The following FGGY variants were observed in gnomAD, a reference collection of about 807,000 sequenced individuals.
The protein encoded by FGGY is FGGY carbohydrate kinase domain-containing protein.
A neutral mutation model predicts 71.3 loss-of-function variants in FGGY; 72 were observed. The observed-to-expected ratio is 1.01, with a 90% CI of 0.84 to 1.23. The LOEUF (loss-of-function observed/expected upper bound fraction) is 1.23, where lower values mean the gene tolerates loss of function less well. Ranked by LOEUF, FGGY falls within the 50% of genes most tolerant of loss-of-function variation. FGGY has a pLI of 0.00. For synonymous variants in FGGY, 251 were observed against 250.3 expected (o/e 1.00, Z -0.02); for missense variants, 668 against 682.3 (o/e 0.98, Z 0.23).
At chr1:59,380,702 A>C (rs1175407691) in intron 5 of FGGY, among the ~76,000 whole-genome samples, 1 of 151,634 alleles carries the variant, frequency 6.6e-6, no homozygotes, top group Non-Finnish European at 1.5e-5. Context: ...GTCCTTTGTC[A>C]GATGAGTAGA....
chr1:59,596,673 T>C (rs184657466), intron 8 of FGGY, among the ~76,000 whole-genome samples: 15 of 152,290 alleles, frequency 9.8e-5, no homozygotes, highest in Admixed American at 2.0e-4. Context: ...CTTTCACAGA[T>C]AGGTCACCCT....
At chr1:59,625,580 C>T (rs2096848624) in intron 9 of FGGY, among the ~76,000 whole-genome samples, 1 of 152,078 alleles carries the variant, frequency 6.6e-6, no homozygotes, top group Non-Finnish European at 1.5e-5. Flanking sequence ...CAAGGTTTGA[C>T]ATTGCCCAGG....
At chr1:59,340,361 G>A (rs1305756653) in intron 3 of FGGY, among the ~76,000 whole-genome samples, 2 of 152,202 alleles carry the variant, frequency 1.3e-5, no homozygotes, top group Non-Finnish European at 2.9e-5. Context: ...GATTAACCTT[G>A]AAACACACAG....
chr1:59,592,383 C>G (rs1478682408), intron 8 of FGGY, among the ~76,000 whole-genome samples: 4 of 152,076 alleles, frequency 2.6e-5, no homozygotes, highest in Admixed American at 2.6e-4. Flanking sequence ...GTGGCAATTC[C>G]TCAGGGATCT....
rs1016474113 is a variant in FGGY, at chr1:59,708,789, A to G, written c.1512+34656A>G. 1.1e-4 allele frequency among the ~76,000 whole-genome samples: 16 copies of G among 152,326 alleles called. No homozygotes were observed. The East Asian group carries it at 2.1e-3, about 20-fold the overall frequency. On this transcript the variant is annotated intron_variant, in intron 14 of 15. Transcript: ENST00000303721. ...GCTAATTTGAAAATCTAAATCCAACATGCTCCAAAATCTGAAACTTTTTGA... is the reference window on the plus strand; with the variant it reads ...GCTAATTTGAAAATCTAAATCCAACGTGCTCCAAAATCTGAAACTTTTTGA...
In FGGY at chr1:59,753,101, A is replaced by C. The variant is rs1426593046; in HGVS notation, c.1513-4830A>C. On this transcript the variant is annotated intron_variant, in intron 14 of 15. Coordinates refer to ENST00000303721, the MANE Select transcript of FGGY (RefSeq NM_018291.5). ...AAAGAGGGTAGCGTGCTGCAAATTA[A>C]GATTGTCCGGCTCCTGCCTGCTGAC... 2.0e-5 allele frequency among the ~76,000 whole-genome samples: 3 copies of C among 152,298 alleles called. No homozygotes were observed. The East Asian group carries it at 5.8e-4, about 29-fold the overall frequency.
rs540239404 is a variant in FGGY, at chr1:59,462,204, G to C, written c.670+5128G>C. 2.0e-5 allele frequency among the ~76,000 whole-genome samples: 3 copies of C among 152,172 alleles called. No homozygotes were observed. The East Asian group carries it at 5.8e-4, about 29-fold the overall frequency. On this transcript the variant is annotated intron_variant, in intron 6 of 15. Transcript: ENST00000303721. Reference sequence around the variant, plus strand: ...ACAAACCTGAGAAAAACAAGAAATGGGGAAAGGATTCCCTATTTAATAAAT... The same window carrying C: ...ACAAACCTGAGAAAAACAAGAAATGCGGAAAGGATTCCCTATTTAATAAAT...
At position 59,626,059 on chromosome 1, in the gene FGGY, G is replaced by C; in HGVS notation, c.1073+10G>C. 1.2e-6 allele frequency: 2 copies of C among 1,612,116 alleles called. No homozygotes were observed. The highest frequency in any genetic ancestry group is 1.7e-6 in the Non-Finnish European group (2 of 1,178,744). On this transcript the variant is annotated intron_variant, in intron 10 of 15. Transcript: ENST00000303721. ...TAAAGGCCACAGCCAGGTAACTGCT[G>C]TCTCTGTTCCCTCTAAAATTTTCCT...
At chr1:59,699,272 T>C in intron 14 of FGGY, 3 of 985,160 alleles carry the variant, frequency 3.0e-6, no homozygotes, top group Non-Finnish European at 3.6e-6. Context: ...AGCCTTTGAG[T>C]TTAAAAGGAA....
At chr1:59,479,578 G>A (rs2093395416) in intron 6 of FGGY, among the ~76,000 whole-genome samples, 1 of 152,190 alleles carries the variant, frequency 6.6e-6, no homozygotes, top group Non-Finnish European at 1.5e-5. Context: ...TCGGAAGTGG[G>A]AAGTTAAGGG....
chr1:59,426,509 T>C (rs920600051), intron 5 of FGGY, among the ~76,000 whole-genome samples: 3 of 152,158 alleles, frequency 2.0e-5, no homozygotes, highest in African/African-American at 4.8e-5. Context: ...AAAAATAAAT[T>C]TCACAATATG....
chr1:59,392,631 C>T (rs944537165), intron 5 of FGGY, among the ~76,000 whole-genome samples: 21 of 152,132 alleles, frequency 1.4e-4, no homozygotes, highest in Non-Finnish European at 2.8e-4. Context: ...AGAATCCAAC[C>T]CTTTGGGCTA....
chr1:59,687,417 G>C (rs1352960062), intron 14 of FGGY, among the ~76,000 whole-genome samples: 1 of 151,992 alleles, frequency 6.6e-6, no homozygotes, highest in Non-Finnish European at 1.5e-5. Context: ...CCTCTGTGTG[G>C]CTTCAACAAC....
chr1:59,610,162 C>T (rs2096660768), intron 9 of FGGY, among the ~76,000 whole-genome samples: 1 of 152,176 alleles, frequency 6.6e-6, no homozygotes, highest in Non-Finnish European at 1.5e-5. Context: ...GTTTCCTGCA[C>T]CTGTCAACCC....
chr1:59,645,191 T>C (rs547397963), intron 11 of FGGY, among the ~76,000 whole-genome samples: 1 of 152,356 alleles, frequency 6.6e-6, no homozygotes, highest in African/African-American at 2.4e-5. Context: ...GTTAACTCTG[T>C]GCAGCTGATC....
intron 7 of FGGY, among the ~76,000 whole-genome samples, chr1:59,553,764 C>G (rs41287702): frequency 0.071 from 10,825 of 152,258 alleles, 832 homozygotes; most frequent in African/African-American, 0.2. Flanking sequence ...TTAATAATAT[C>G]TATGATAGTG....
intron 8 of FGGY, among the ~76,000 whole-genome samples, chr1:59,591,260 C>G (rs1457235812): frequency 6.6e-6 from 1 of 152,110 alleles, no homozygotes. Flanking sequence ...TCAAGGAGAA[C>G]TACAAACCAC....
At chr1:59,350,604 C>A (rs835360) in intron 4 of FGGY, among the ~76,000 whole-genome samples, 3 of 151,888 alleles carry the variant, frequency 2.0e-5, no homozygotes, top group Non-Finnish European at 4.4e-5. Flanking sequence ...AGTCTGAGTT[C>A]GGCTTATTAA....
chr1:59,616,906 A>G (rs1245869942), intron 9 of FGGY, among the ~76,000 whole-genome samples: 1 of 152,140 alleles, frequency 6.6e-6, no homozygotes, highest in Non-Finnish European at 1.5e-5. Flanking sequence ...GACTAAAGGT[A>G]GCAATTACAG....
Sources: allele counts gnomAD v4.1 joint callset (sites outside exome capture counted in the v4.1 genomes callset), GRCh38; gene constraint gnomAD v4.1.1; transcripts MANE v1.5; gene names NCBI Gene and HGNC (gene_info 2026-07-23, HGNC 2026-07-21).